LCT: variants seen among roughly 807,000 people sequenced by gnomAD.
LCT encodes lactase/phlorizin hydrolase.
Under a neutral mutation model 173.0 loss-of-function variants are expected in LCT, and 90 were observed. That is an observed-to-expected ratio of 0.52 (90% CI 0.44 to 0.62). The LOEUF (loss-of-function observed/expected upper bound fraction) is 0.62. Among genes scored for constraint, LCT ranks in the 20% least tolerant of loss-of-function variants. LCT has a pLI of 0.00. For missense variants in LCT, 1,864 were observed against 2,431.4 expected, an observed-to-expected ratio of 0.77 and a Z score of 4.91; for synonymous variants, 853 against 957.6, an observed-to-expected ratio of 0.89 and a Z score of 2.02.
intron 3 of LCT, among the ~76,000 whole-genome samples, chr2:135,826,185 G>A (rs1179882763): frequency 2.3e-4 from 35 of 151,658 alleles, no homozygotes; most frequent in Admixed American, 2.3e-3. Context: ...TTTGTCCAGG[G>A]AGAGTTTTAC....
At chr2:135,800,930 A>G (rs1201124150) in intron 11 of LCT, 121 bp from the exon 12 acceptor site, 2 of 777,658 alleles carry the variant, frequency 2.6e-6, no homozygotes, top group African/African-American at 3.4e-5. Context: ...TTCTGACACT[A>G]GGAAAACTGG....
In LCT at chr2:135,790,839, G is replaced by C; in HGVS notation, c.5154C>G (p.Gly1718=). ...AAGGCGTCATCTTCAGCCAGAAGGA[G>C]CCAGAGTCTGGCCACGAGCGATCTG... The part of the protein sequence containing the change: ...SIADRSWPDS[G]SFWLKMTPFG... The change falls in exon 15 of 17, where the codon GGC becomes GGG. Residue 1718 remains glycine, a synonymous_variant. Coordinates refer to ENST00000264162, the MANE Select transcript of LCT (RefSeq NM_002299.4). This position sits in a 1 kb window ranked among gnomAD's most constrained non-coding sequence, Gnocchi z 4.1. 6.2e-7 allele frequency: 1 copy of C among 1,614,192 alleles called. No homozygotes were observed. The highest frequency in any genetic ancestry group is 8.5e-7 in the Non-Finnish European group (1 of 1,180,030).
At position 135,809,281 on chromosome 2, in the gene LCT, G is replaced by A; in HGVS notation, c.3066C>T (p.Asp1022=). The A allele has an allele frequency of 6.2e-7, 1 of 1,614,186 alleles. No homozygotes were observed. Among genetic ancestry groups the A allele is most frequent in the Non-Finnish European group, 8.5e-7 (1 of 1,180,006 alleles). Reference sequence around the variant, plus strand: ...CGATATCCTGGAGGGCCTGGGGCAGGTCCCAATGGAACAATGTCACCATGG... The same window carrying A: ...CGATATCCTGGAGGGCCTGGGGCAGATCCCAATGGAACAATGTCACCATGG... ...IFPMVTLFHW[D]LPQALQDIGG... is the part of the protein sequence containing the mutation. Residue 1022 remains aspartate (D), a synonymous_variant, in exon 8 of 17, where the codon GAC becomes GAT. Transcript: ENST00000264162. The surrounding 1 kb of genome is among the most constrained non-coding windows in gnomAD (Gnocchi z 5.5).
chr2:135,812,856 G>A lies in LCT; in HGVS notation c.1808C>T (p.Ser603Leu), dbSNP rs2105538205. 6.2e-7 allele frequency: 1 copy of A among 1,614,234 alleles called. No homozygotes were observed. The highest frequency in any genetic ancestry group is 8.5e-7 in the Non-Finnish European group (1 of 1,180,040). ...QQGHVGIVLN[S>L]DWAEPLSPER... ...TGGAGACAGGGGTTCTGCCCAGTCT[G>A]AGTTCAGCACAATGCCCACGTGCCC... The change falls in exon 7 of 17, where the codon TCA (serine) becomes TTA (leucine). Residue 603 changes from serine (S) to leucine (L), a missense_variant. Coordinates refer to ENST00000264162, the MANE Select transcript of LCT (RefSeq NM_002299.4).
intron 9 of LCT, 119 bp from the exon 10 acceptor site, chr2:135,805,176 A>C: frequency 2.0e-6 from 2 of 1,001,030 alleles, no homozygotes; most frequent in Non-Finnish European, 3.1e-6. Flanking sequence ...CGCTTAGCTT[A>C]AAACAAGCAC....
chr2:135,800,879 C>A lies in LCT; in HGVS notation c.4664-70G>T. On this transcript the variant is annotated intron_variant, in intron 11 of 16. Coordinates refer to ENST00000264162, the MANE Select transcript of LCT (RefSeq NM_002299.4). ...ATGTGACTGAGATTGTTAGTCCCTGCCTGCAGATGTCCCCTCTGTGTTTGG... is the reference window on the plus strand; with the variant it reads ...ATGTGACTGAGATTGTTAGTCCCTGACTGCAGATGTCCCCTCTGTGTTTGG... The A allele has an allele frequency of 2.5e-6, 3 of 1,206,282 alleles. No individual in the cohort carries two copies. In the South Asian group the frequency reaches 3.7e-5, roughly 15 times the overall value. The allele number at this position is 1,206,282 out of a possible 1,614,324, so 74.7% of individuals were successfully genotyped here.
Position 135,790,228 on chromosome 2 carries a change from T to C in LCT, c.5335+430A>G, listed in dbSNP as rs989838817. Among the ~76,000 whole-genome samples, 2 of 152,202 alleles carry C rather than the reference T, an allele frequency of 1.3e-5. No homozygotes were observed. The highest frequency in any genetic ancestry group is 2.9e-5 in the Non-Finnish European group (2 of 68,042). ...CATTGCTTGCTCTTTTACTCAGCAT[T>C]TGTTCCATTCTCTTATCCTCATGGT... is the stretch of plus-strand genomic sequence containing the variant. On this transcript the variant is annotated intron_variant, in intron 15 of 16. Coordinates refer to ENST00000264162, the MANE Select transcript of LCT (RefSeq NM_002299.4). The surrounding 1 kb of genome is among the most constrained non-coding windows in gnomAD (Gnocchi z 4.1).
At chr2:135,821,055 GT>G (rs2077824467) in intron 5 of LCT, among the ~76,000 whole-genome samples, 1 of 151,952 alleles carries the variant, frequency 6.6e-6, no homozygotes, top group Admixed American at 6.5e-5. Context: ...TAATTTTTTT[GT>G]ATTTTTAGTA....
At chr2:135,810,335 T>C (rs1558738704) in intron 7 of LCT, 1 of 196,202 alleles carries the variant, frequency 5.1e-6, no homozygotes, top group East Asian at 1.2e-4. Context: ...ATAGTCTCTG[T>C]TACTAATGTT....
At chr2:135,793,297 CT>C (rs201863007) in intron 14 of LCT, among the ~76,000 whole-genome samples, 1,720 of 152,332 alleles carry the variant, frequency 0.011, 20 homozygotes, top group South Asian at 0.041. Context: ...CATCACAGGA[CT>C]CTTTGCAGAC....
At chr2:135,818,105 G>T in intron 5 of LCT, 44 bp from the exon 6 acceptor site, 1 of 1,610,662 alleles carries the variant, frequency 6.2e-7, no homozygotes. Context: ...AATGAATGAC[G>T]CTGGCAGTTA....
Position 135,836,693 on chromosome 2 carries a change from G to A in LCT, c.477C>T (p.Phe159=), listed in dbSNP as rs538160657. The A allele has an allele frequency of 4.3e-6, 7 of 1,614,220 alleles. No individual in the cohort carries two copies. The Admixed American group carries it at 1.0e-4, about 23-fold the overall frequency. Reference sequence around the variant, plus strand: ...TCCCAACTAGGTCCCCGAAGGAGTGGAAGGCGAATGTGGCATAGTCGGCGA... The same window carrying A: ...TCCCAACTAGGTCCCCGAAGGAGTGAAAGGCGAATGTGGCATAGTCGGCGA... ...DLFADYATFA[F]HSFGDLVGIW... The change falls in exon 1 of 17, where the codon TTC becomes TTT. Residue 159 remains phenylalanine (F), a synonymous_variant. Transcript: ENST00000264162.
chr2:135,821,889 A>G (rs962143591), intron 5 of LCT, 131 bp downstream of exon 5: 12 of 692,066 alleles, frequency 1.7e-5, no homozygotes, highest in South Asian at 9.5e-5. Context: ...TTTCTCATCA[A>G]TTGAATGGCA....
chr2:135,831,085 G>T (rs1249063328), intron 2 of LCT, among the ~76,000 whole-genome samples: 1 of 152,126 alleles, frequency 6.6e-6, no homozygotes, highest in Non-Finnish European at 1.5e-5. Flanking sequence ...CTTGGTCTCC[G>T]TGCTCTCTCC....
intron 5 of LCT, chr2:135,820,344 T>C (rs931599975): frequency 1.3e-5 from 2 of 152,250 alleles, no homozygotes; most frequent in African/African-American, 4.8e-5. Context: ...TTATTACGGC[T>C]TCTTGAGTTT....
At chr2:135,797,384 C>A (rs1575332629) in intron 13 of LCT, among the ~76,000 whole-genome samples, 2 of 152,258 alleles carry the variant, frequency 1.3e-5, no homozygotes, top group Non-Finnish European at 2.9e-5. Context: ...CAGTGACTGC[C>A]GCTTCCTGCG....
At chr2:135,791,750 T>G (rs868176711) in intron 14 of LCT, among the ~76,000 whole-genome samples, 7 of 152,134 alleles carry the variant, frequency 4.6e-5, no homozygotes, top group East Asian at 3.9e-4. Context: ...AGCCTGACTC[T>G]GGGGGTTTCA....
chr2:135,829,509 C>T (rs2077915727), intron 3 of LCT, 84 bp downstream of exon 3: 3 of 1,006,292 alleles, frequency 3.0e-6, no homozygotes, highest in African/African-American at 3.2e-5. Context: ...TCAGTTTATG[C>T]AGTAGCCAAA....
Position 135,836,612 on chromosome 2 carries a change from T to C in LCT, c.558A>G (p.Glu186=), listed in dbSNP as rs747149852. 1 of 1,614,108 alleles carries C rather than the reference T, an allele frequency of 6.2e-7. No individual in the cohort carries two copies. The highest frequency in any genetic ancestry group is 8.5e-7 in the Non-Finnish European group (1 of 1,179,970). ...GGGTCTGGAGTTGTGACGCTCTTGA[T>C]TCCTGGTGGGGAAGCTCCTTGATCA... ...EEVIKELPHQ[E]SRASQLQTLS... The change falls in exon 1 of 17, where the codon GAA becomes GAG. Residue 186 remains glutamate, a synonymous_variant. Transcript: ENST00000264162.
Sources: gnomAD v4.1 joint callset for allele counts (sites outside exome capture counted in the v4.1 genomes callset) on GRCh38, gnomAD v4.1.1 for gene constraint, Gnocchi (gnomAD v3.1) non-coding constraint, MANE v1.5 for transcripts, NCBI Gene and HGNC (gene_info 2026-07-23, HGNC 2026-07-21) for gene names.